The following CHD1L variants were observed in gnomAD, a reference collection of about 807,000 sequenced individuals.
The protein encoded by CHD1L is ATP-dependent chromatin remodeler CHD1L.
A neutral mutation model predicts 115.9 loss-of-function variants in CHD1L; 118 were observed. That is an observed-to-expected ratio of 1.02 (90% CI 0.88 to 1.19). The LOEUF is 1.19. Ranked by LOEUF, CHD1L falls within the 50% of genes most tolerant of loss-of-function variation. CHD1L has a pLI of 0.00. For missense variants in CHD1L, 1,179 were observed against 1,065.3 expected, an observed-to-expected ratio of 1.11 and a Z score of -1.49; for synonymous variants, 411 against 387.1, an observed-to-expected ratio of 1.06 and a Z score of -0.72.
chr1:147,215,264 T>C, the CHD1L span: 3 of 152,366 alleles, frequency 2.0e-5, no homozygotes, highest in African/African-American at 7.2e-5. Context: ...GTTTTTATTC[T>C]GCAATTCCAT....
chr1:147,262,743 T>A (rs905673428), intron 6 of CHD1L, among the ~76,000 whole-genome samples: 1 of 130,270 alleles, frequency 7.7e-6, no homozygotes, highest in South Asian at 2.5e-4. Flanking sequence ...AAAAAAAAAA[T>A]TGTTTACATC....
At chr1:147,289,551 G>A (rs1684681249) in intron 19 of CHD1L, among the ~76,000 whole-genome samples, 1 of 152,156 alleles carries the variant, frequency 6.6e-6, no homozygotes, top group Non-Finnish European at 1.5e-5. Flanking sequence ...AAATGGAGAT[G>A]AGAGTGTGCA....
chr1:147,197,451 C>T, the CHD1L span, among the ~76,000 whole-genome samples: 5 of 152,084 alleles, frequency 3.3e-5, no homozygotes, highest in African/African-American at 1.2e-4. Context: ...CAAATCTTAT[C>T]TTGAATTTTG....
At chr1:147,215,735 T>C in the CHD1L span, 3 of 1,557,112 alleles carry the variant, frequency 1.9e-6, no homozygotes, top group Non-Finnish European at 2.6e-6. Context: ...AACACAAAGA[T>C]ACCCACACAA....
the CHD1L span, among the ~76,000 whole-genome samples, chr1:147,222,594 T>C: frequency 2.9e-3 from 434 of 152,234 alleles, 1 homozygote; most frequent in Non-Finnish European, 4.8e-3. Context: ...AAAATGGAGA[T>C]AGTAGAATAC....
In CHD1L at chr1:147,285,368, G is replaced by T. The variant is rs926865372; in HGVS notation, c.1899G>T (p.Arg633=). The T allele has an allele frequency of 6.2e-7, 1 of 1,613,892 alleles. No homozygotes were observed. Residue 633 remains arginine (R), a synonymous_variant, in exon 17 of 23, where the codon CGG becomes CGT. Coordinates refer to ENST00000369258, the MANE Select transcript of CHD1L (RefSeq NM_004284.6). ...TGGAGGGATCTACCAAAAGGAAGCG[G>T]GTTCTGAGTCCAGAAGAGCTGGAGG... The part of the protein sequence containing the change: ...GLVEGSTKRK[R]VLSPEELEDR...
chr1:147,284,332 T>C lies in CHD1L; in HGVS notation c.1706-19T>C, dbSNP rs782286826. On this transcript the variant is annotated intron_variant, in intron 15 of 22. Coordinates refer to ENST00000369258, the MANE Select transcript of CHD1L (RefSeq NM_004284.6). The stretch of plus-strand genomic sequence containing the variant: ...TCCTTGGTATCTAACATTTCTCTCT[T>C]TGTGTTTTATGTTGTTAGAAAATCA... 2 of 1,533,804 alleles carry C rather than the reference T, an allele frequency of 1.3e-6. No homozygotes were observed. The highest frequency in any genetic ancestry group is 1.8e-6 in the Non-Finnish European group (2 of 1,134,208).
chr1:147,278,360 G>A (rs1553959468), intron 14 of CHD1L, among the ~76,000 whole-genome samples: 2 of 150,938 alleles, frequency 1.3e-5, no homozygotes, highest in Non-Finnish European at 2.9e-5. Context: ...GAGTAGCTGG[G>A]ACTACAGGCG....
Position 147,287,642 on chromosome 1 carries a change from TG to T in CHD1L, c.2231del (p.Gly744AlafsTer29). 1 of 1,613,664 alleles carries T rather than the reference TG, an allele frequency of 6.2e-7. No homozygotes were observed. The highest frequency in any genetic ancestry group is 8.5e-7 in the Non-Finnish European group (1 of 1,179,740). On this transcript the variant is annotated frameshift_variant, in exon 19 of 23. Transcript: ENST00000369258. LOFTEE classifies it high-confidence loss of function. ...TTCTCTTTCTTCAAACAGATGACTC[TG>T]GCCACTGGGGCAGAGGTGGTTTATT... Reference protein sequence around the residue: ...ALIVHCVDDSGHWGRGGLFTA... With the variant: ...ALIVHCVDDSXHWGRGGLFTA...
chr1:147,218,796 TC>T, the CHD1L span, among the ~76,000 whole-genome samples: 14 of 152,232 alleles, frequency 9.2e-5, no homozygotes, highest in African/African-American at 3.4e-4. Context: ...CTTTAAACCT[TC>T]GTAAATATTA....
the CHD1L span, among the ~76,000 whole-genome samples, chr1:147,205,805 T>A: frequency 1.3e-5 from 2 of 152,026 alleles, no homozygotes; most frequent in Non-Finnish European, 2.9e-5. Context: ...CCTAAAACCA[T>A]AAAAACCCTA....
At chr1:147,271,595 C>A (rs1338608089) in intron 11 of CHD1L, among the ~76,000 whole-genome samples, 1 of 151,532 alleles carries the variant, frequency 6.6e-6, no homozygotes, top group African/African-American at 2.4e-5. Flanking sequence ...GTAGTTCAGA[C>A]CGGGTGTCTG....
At chr1:147,232,506 G>T in the CHD1L span, among the ~76,000 whole-genome samples, 2 of 151,750 alleles carry the variant, frequency 1.3e-5, no homozygotes, top group African/African-American at 2.4e-5. Flanking sequence ...TCTCCCCATG[G>T]TCTCCCTCTC....
chr1:147,294,443 G>C lies in CHD1L; in HGVS notation c.2541G>C (p.Thr847=), dbSNP rs781927009. The change falls in exon 22 of 23, where the codon ACG becomes ACC. Residue 847 remains threonine (T), a synonymous_variant. Coordinates refer to ENST00000369258, the MANE Select transcript of CHD1L (RefSeq NM_004284.6). ...ATCTTCCACGTATTGGACATGCCAC[G>C]AAAGGTTTTAACTGGTATGGTACTG... is the stretch of plus-strand genomic sequence containing the variant. ...SVHLPRIGHA[T]KGFNWYGTER... The C allele has an allele frequency of 6.2e-7, 1 of 1,612,684 alleles. No individual in the cohort carries two copies. Among genetic ancestry groups the C allele is most frequent in the South Asian group, 1.1e-5 (1 of 90,832 alleles).
chr1:147,178,831 A>AT, the CHD1L span: 2 of 1,598,304 alleles, frequency 1.3e-6, no homozygotes, highest in Non-Finnish European at 8.6e-7. Context: ...CCAGGAAAAC[A>AT]TTTTTGGTAT....
intron 10 of CHD1L, among the ~76,000 whole-genome samples, chr1:147,270,329 C>T (rs1999820): frequency 0.18 from 27,040 of 152,082 alleles, 3,070 homozygotes; most frequent in Middle Eastern, 0.26. Context: ...TCCCTCCTCT[C>T]GCTATACAAA....
chr1:147,282,962 G>A (rs1681501205), intron 15 of CHD1L, among the ~76,000 whole-genome samples: 1 of 152,176 alleles, frequency 6.6e-6, no homozygotes, highest in African/African-American at 2.4e-5. Context: ...CGCGGGTCTA[G>A]GCTTGTGATG....
intron 17 of CHD1L, among the ~76,000 whole-genome samples, chr1:147,285,810 C>G (rs1252486645): frequency 1.3e-5 from 2 of 152,236 alleles, no homozygotes; most frequent in Admixed American, 6.5e-5. Flanking sequence ...GATCTACCCA[C>G]TATAACCTCC....
chr1:147,222,414 A>G, the CHD1L span, among the ~76,000 whole-genome samples: 1 of 152,100 alleles, frequency 6.6e-6, no homozygotes, highest in African/African-American at 2.4e-5. Context: ...GGGAAATTGG[A>G]ACTGATGGGA....
Sources: allele counts gnomAD v4.1 joint callset (sites outside exome capture counted in the v4.1 genomes callset), GRCh38; gene constraint gnomAD v4.1.1; transcripts MANE v1.5; gene names NCBI Gene and HGNC (gene_info 2026-07-23, HGNC 2026-07-21).